Variants in ATF6 observed in about 807,000 individuals in gnomAD.
ATF6 encodes activating transcription factor 6.
In ATF6, 53 loss-of-function variants were observed where a neutral mutation model predicts 83.6. The observed-to-expected ratio is 0.63, with a 90% CI of 0.51 to 0.80. The LOEUF is 0.80. ATF6 is among the 30% of genes least tolerant of loss of function. ATF6 has a pLI of 0.00. For synonymous variants in ATF6, 288 were observed against 285.8 expected (o/e 1.01, Z -0.08); for missense variants, 744 against 797.9 (o/e 0.93, Z 0.81).
chr1:161,851,931 G>T, intron 11 of ATF6, 96 bp downstream of exon 11: 1 of 838,372 alleles, frequency 1.2e-6, no homozygotes. Context: ...CTAAGTGACT[G>T]AGAGAATCTC....
intron 15 of ATF6, among the ~76,000 whole-genome samples, chr1:161,933,121 C>A (rs964679615): frequency 6.6e-6 from 1 of 152,136 alleles, no homozygotes; most frequent in Non-Finnish European, 1.5e-5. Context: ...AAGGGAAATA[C>A]CAAGGGTATG....
chr1:161,812,751 A>G (rs1685506636), intron 7 of ATF6, among the ~76,000 whole-genome samples: 1 of 150,476 alleles, frequency 6.6e-6, no homozygotes, highest in African/African-American at 2.4e-5. Context: ...GCTGTGAGGT[A>G]CATTGTTGAT....
chr1:161,871,478 C>A (rs1687122893), intron 14 of ATF6, among the ~76,000 whole-genome samples: 1 of 151,268 alleles, frequency 6.6e-6, no homozygotes, highest in African/African-American at 2.4e-5. Context: ...CACATGTACC[C>A]CTGAACTTAA....
intron 9 of ATF6, among the ~76,000 whole-genome samples, chr1:161,823,111 A>AT (rs1180640548): frequency 1.3e-5 from 2 of 152,062 alleles, no homozygotes; most frequent in Non-Finnish European, 2.9e-5. Flanking sequence ...ATCCCAAATA[A>AT]TTTTTGATTT....
chr1:161,922,514 C>T (rs770647435), intron 15 of ATF6, among the ~76,000 whole-genome samples: 1 of 151,984 alleles, frequency 6.6e-6, no homozygotes, highest in Non-Finnish European at 1.5e-5. Context: ...CCAAACAAAA[C>T]AATTGCAGCT....
chr1:161,919,880 A>G (rs1048281404), intron 15 of ATF6, among the ~76,000 whole-genome samples: 2 of 152,236 alleles, frequency 1.3e-5, no homozygotes, highest in African/African-American at 4.8e-5. Flanking sequence ...CATGCAACAC[A>G]TTTTTAGTTG....
intron 7 of ATF6, among the ~76,000 whole-genome samples, chr1:161,819,094 G>A (rs558035590): frequency 6.6e-6 from 1 of 152,258 alleles, no homozygotes; most frequent in South Asian, 2.1e-4. Flanking sequence ...TTCAATGAGT[G>A]AATGAGGGAT....
intron 13 of ATF6, among the ~76,000 whole-genome samples, chr1:161,862,114 C>T (rs1325346888): frequency 6.6e-6 from 1 of 152,144 alleles, no homozygotes; most frequent in African/African-American, 2.4e-5. Context: ...CCCTGTATTT[C>T]CCCCAGGAGG....
At chr1:161,899,519 G>T (rs1354624130) in intron 14 of ATF6, among the ~76,000 whole-genome samples, 2 of 152,114 alleles carry the variant, frequency 1.3e-5, no homozygotes, top group Non-Finnish European at 2.9e-5. Flanking sequence ...TACTTAAAAA[G>T]TTAGTTTCTT....
intron 14 of ATF6, among the ~76,000 whole-genome samples, chr1:161,895,580 G>A (rs570822452): frequency 1.3e-5 from 2 of 152,128 alleles, no homozygotes; most frequent in African/African-American, 4.8e-5. Context: ...CTTGTCTGAG[G>A]CAGGAATTGT....
At chr1:161,771,110 C>T (rs1163204126) in intron 1 of ATF6, among the ~76,000 whole-genome samples, 2 of 151,980 alleles carry the variant, frequency 1.3e-5, no homozygotes, top group Non-Finnish European at 2.9e-5. Flanking sequence ...GCTTATTTGC[C>T]GTCTGTATGT....
intron 15 of ATF6, among the ~76,000 whole-genome samples, chr1:161,918,260 A>G (rs1333543556): frequency 6.6e-6 from 1 of 152,038 alleles, no homozygotes. Flanking sequence ...GTTTAATAAT[A>G]TTTTATATAA....
At chr1:161,882,391 G>A (rs946728540) in intron 14 of ATF6, among the ~76,000 whole-genome samples, 2 of 151,976 alleles carry the variant, frequency 1.3e-5, no homozygotes, top group South Asian at 2.1e-4. Flanking sequence ...AGTGAACAAA[G>A]AACTAAAAAT....
rs760620966 is a variant in ATF6, at chr1:161,958,557, A to C, written c.1916A>C (p.Asp639Ala). The C allele has an allele frequency of 6.2e-6, 10 of 1,614,102 alleles. No individual in the cohort carries two copies. Among genetic ancestry groups the C allele is most frequent in the Non-Finnish European group, 8.5e-6 (10 of 1,179,998 alleles). Residue 639 changes from aspartate to alanine, a missense_variant, in exon 16 of 16, where the codon GAT becomes GCT. Coordinates refer to ENST00000367942, the MANE Select transcript of ATF6 (RefSeq NM_007348.4). ...KSSSVPPYLR[D>A]QQRNQTNTFF... is the part of the protein sequence containing the mutation. Reference sequence around the variant, plus strand: ...TCGTCAGTTCCTCCTTACCTCCGAGATCAGCAGAGGAATCAAACCAACACC... The same window carrying C: ...TCGTCAGTTCCTCCTTACCTCCGAGCTCAGCAGAGGAATCAAACCAACACC...
intron 9 of ATF6, among the ~76,000 whole-genome samples, chr1:161,841,399 G>C (rs1424392142): frequency 6.6e-6 from 1 of 152,214 alleles, no homozygotes; most frequent in Non-Finnish European, 1.5e-5. Flanking sequence ...CAATCAACTT[G>C]TCTGTAATTT....
chr1:161,878,476 T>TAG (rs1687263936), intron 14 of ATF6, among the ~76,000 whole-genome samples: 1 of 151,908 alleles, frequency 6.6e-6, no homozygotes, highest in Non-Finnish European at 1.5e-5. Flanking sequence ...GAAGAGAGTA[T>TAG]ATAGAGAGAG....
At chr1:161,867,002 A>G (rs1237740535) in intron 14 of ATF6, among the ~76,000 whole-genome samples, 1 of 152,230 alleles carries the variant, frequency 6.6e-6, no homozygotes, top group East Asian at 1.9e-4. Flanking sequence ...TTATTTTAAA[A>G]ATACTTTTGT....
At chr1:161,821,278 G>C (rs1557978671) in intron 9 of ATF6, 117 bp downstream of exon 9, 1 of 655,440 alleles carries the variant, frequency 1.5e-6, no homozygotes, top group East Asian at 3.0e-5. Context: ...TGTGTAAAGA[G>C]TAATGAGACA....
chr1:161,815,103 C>T (rs983742449), intron 7 of ATF6, among the ~76,000 whole-genome samples: 49 of 151,722 alleles, frequency 3.2e-4, no homozygotes, highest in African/African-American at 1.1e-3. Context: ...TGTGATTCAT[C>T]CATAGGTTAT....
Sources: allele counts gnomAD v4.1 joint callset (sites outside exome capture counted in the v4.1 genomes callset), GRCh38; gene constraint gnomAD v4.1.1; transcripts MANE v1.5; gene names NCBI Gene and HGNC (gene_info 2026-07-23, HGNC 2026-07-21).